The following MYO18B variants were observed in gnomAD, a reference collection of about 807,000 sequenced individuals.
MYO18B encodes the protein unconventional myosin-XVIIIb.
Under a neutral mutation model 273.0 loss-of-function variants are expected in MYO18B, and 204 were observed. The ratio of observed to expected loss-of-function variants is 0.75; its 90% CI spans 0.67 to 0.84. MYO18B has a LOEUF of 0.84. Among genes scored for constraint, MYO18B ranks in the 40% least tolerant of loss-of-function variants. The probability of loss-of-function intolerance (pLI) is 0.00; values close to 1 mark genes in which losing one functional copy is unlikely to be tolerated. For synonymous variants in MYO18B, 1,330 were observed against 1,305.7 expected, an observed-to-expected ratio of 1.02 and a Z score of -0.40; for missense variants, 3,212 against 3,287.6, an observed-to-expected ratio of 0.98 and a Z score of 0.56.
chr22:26,049,836 T>G, the MYO18B span, among the ~76,000 whole-genome samples: 1 of 152,236 alleles, frequency 6.6e-6, no homozygotes, highest in Non-Finnish European at 1.5e-5. Flanking sequence ...GTACCTGCCC[T>G]GAGAATTCAG....
intron 8 of MYO18B, among the ~76,000 whole-genome samples, chr22:25,778,249 C>T (rs1439394538): frequency 4.6e-5 from 7 of 150,984 alleles, no homozygotes; most frequent in Non-Finnish European, 1.0e-4. Flanking sequence ...TGAACTGTAC[C>T]TACGTTCAAA....
intron 16 of MYO18B, 42 bp from the exon 17 acceptor site, chr22:25,835,254 T>C: frequency 6.3e-7 from 1 of 1,593,670 alleles, no homozygotes; most frequent in South Asian, 1.1e-5. Flanking sequence ...AGGCTTCTGA[T>C]GGGTATCAGG....
At chr22:25,895,870 A>G (rs1239556046) in intron 28 of MYO18B, among the ~76,000 whole-genome samples, 2 of 150,040 alleles carry the variant, frequency 1.3e-5, no homozygotes, top group Non-Finnish European at 3.0e-5. Context: ...GCTCATCTTC[A>G]ACAGGTTTCT....
rs369050444 is a variant in MYO18B at position 25,770,982 on chromosome 22, C to A, written c.1690C>A (p.Arg564=). 6.5e-7 allele frequency: 1 copy of A among 1,550,378 alleles called. No homozygotes were observed. The highest frequency in any genetic ancestry group is 8.7e-7 in the Non-Finnish European group (1 of 1,145,572). The part of the protein sequence containing the change: ...ITEVDEEHVH[R]ANPPELDQVE... ...TGAGGTGGATGAGGAGCATGTCCAT[C>A]GGGTGAGTCCCCTGTCCCGCCGTCC... The change falls in exon 6 of 44, where the codon CGG becomes AGG. Residue 564 remains arginine (R), a splice_region_variant and synonymous_variant. Coordinates refer to ENST00000335473, the MANE Select transcript of MYO18B (RefSeq NM_032608.7).
At chr22:25,780,366 G>A (rs1168587490) in intron 9 of MYO18B, among the ~76,000 whole-genome samples, 168 bp downstream of exon 9, 2 of 151,982 alleles carry the variant, frequency 1.3e-5, no homozygotes, top group Admixed American at 1.3e-4. Context: ...TGAGGTGGGT[G>A]GATCACCTGA....
intron 26 of MYO18B, 38 bp from the exon 27 acceptor site, chr22:25,891,266 G>C: frequency 1.4e-6 from 2 of 1,428,146 alleles, no homozygotes; most frequent in African/African-American, 1.4e-5. Context: ...CATGTCTTCT[G>C]TCCAGCTCTA....
chr22:25,781,793 G>T lies in MYO18B; in HGVS notation c.2271G>T (p.Leu757=), dbSNP rs765750090. The T allele has an allele frequency of 5.6e-6, 9 of 1,594,676 alleles. No individual in the cohort carries two copies. The African/African-American group carries it at 1.2e-4, about 21-fold the overall frequency. Reference sequence around the variant, plus strand: ...AGCCGGAAGGGGAAAGTAACTTCCTGGTTTTCTCCCAGATGCTGGCTGGAT... The same window carrying T: ...AGCCGGAAGGGGAAAGTAACTTCCTTGTTTTCTCCCAGATGCTGGCTGGAT... ...ARQPEGESNF[L]VFSQMLAGLD... is the part of the protein sequence containing the mutation. Residue 757 remains leucine (L), a synonymous_variant, in exon 10 of 44, where the codon CTG becomes CTT. Transcript: ENST00000335473.
chr22:25,819,929 TA>T (rs1190483321), intron 12 of MYO18B, among the ~76,000 whole-genome samples: 2 of 149,680 alleles, frequency 1.3e-5, no homozygotes, highest in Non-Finnish European at 3.0e-5. Context: ...CTACAACTAA[TA>T]AGTACTGAGC....
In MYO18B at chr22:25,883,187, A is replaced by G. The variant is rs1010109268; in HGVS notation, c.4314+5139A>G. On this transcript the variant is annotated intron_variant, in intron 25 of 43. Coordinates refer to ENST00000335473, the MANE Select transcript of MYO18B (RefSeq NM_032608.7). The surrounding 1 kb of genome is among the most constrained non-coding windows in gnomAD (Gnocchi z 7.6). ...GTGCTGGCGTGAACCATTGCACCAG[A>G]CCTGTAATTACACTTTAAAGAGCAT... 1.3e-5 allele frequency among the ~76,000 whole-genome samples: 2 copies of G among 152,102 alleles called. No homozygotes were observed. The highest frequency in any genetic ancestry group is 2.9e-5 in the Non-Finnish European group (2 of 68,016).
In MYO18B at chr22:25,933,031, A is replaced by G. The variant is rs1369069341; in HGVS notation, c.5517+11622A>G. On this transcript the variant is annotated intron_variant, in intron 34 of 43. Transcript: ENST00000335473. ...CTCCCAATTTAGGATCCAACTTGGA[A>G]AGTAAAACTGCTTCCATTATTTTCA... 2.6e-5 allele frequency among the ~76,000 whole-genome samples: 4 copies of G among 152,152 alleles called. No individual in the cohort carries two copies. In the East Asian group the frequency reaches 7.7e-4, roughly 29 times the overall value.
intron 21 of MYO18B, among the ~76,000 whole-genome samples, chr22:25,859,683 T>A (rs372388695): frequency 1.8e-4 from 27 of 152,270 alleles, no homozygotes; most frequent in East Asian, 7.7e-4. Flanking sequence ...TTTGTGAAAC[T>A]CTATTTTTTT....
intron 12 of MYO18B, among the ~76,000 whole-genome samples, chr22:25,810,403 C>T (rs1222592094): frequency 8.3e-6 from 1 of 121,156 alleles, no homozygotes; most frequent in East Asian, 2.3e-4. Flanking sequence ...TGTCCTCCTT[C>T]AGGCTTTTTT....
At chr22:26,046,498 A>G in the MYO18B span, among the ~76,000 whole-genome samples, 7 of 152,088 alleles carry the variant, frequency 4.6e-5, no homozygotes, top group Admixed American at 2.6e-4. Flanking sequence ...CCTTTATCTA[A>G]TCTATCAGTG....
intron 34 of MYO18B, among the ~76,000 whole-genome samples, chr22:25,935,396 C>A (rs145313093): frequency 6.6e-6 from 1 of 152,164 alleles, no homozygotes; most frequent in Non-Finnish European, 1.5e-5. Context: ...CCTGAGGCAA[C>A]CCCCTGGAGG....
chr22:25,930,465 GCCTCCTGTTGGT>G (rs1372855444), intron 34 of MYO18B, among the ~76,000 whole-genome samples: 1 of 151,256 alleles, frequency 6.6e-6, no homozygotes, highest in Non-Finnish European at 1.5e-5. Flanking sequence ...TGCCACCAAT[GCCTCCTGTTGGT>G]CCTCTGCTGT....
Position 26,004,861 on chromosome 22 carries a change from A to G in MYO18B, c.6470+6A>G. The G allele has an allele frequency of 6.2e-7, 1 of 1,613,380 alleles. No individual in the cohort carries two copies. Among genetic ancestry groups the G allele is most frequent in the African/African-American group, 1.3e-5 (1 of 75,034 alleles). On this transcript the variant is annotated splice_donor_region_variant and intron_variant, in intron 42 of 43. Coordinates refer to ENST00000335473, the MANE Select transcript of MYO18B (RefSeq NM_032608.7). ...AGCCGCATCCTCAGCCCCAGGTAAG[A>G]GTATCTCCTTGCTGCCTCTGGATGG...
the MYO18B span, among the ~76,000 whole-genome samples, chr22:26,038,944 A>C: frequency 6.6e-6 from 1 of 152,182 alleles, no homozygotes; most frequent in South Asian, 2.1e-4. Flanking sequence ...ATGAAAAAGC[A>C]CTTTGAATTG....
chr22:25,959,638 T>TC (rs1284752093), intron 39 of MYO18B, among the ~76,000 whole-genome samples: 1 of 152,176 alleles, frequency 6.6e-6, no homozygotes, highest in East Asian at 1.9e-4. Context: ...AACTCCACAG[T>TC]CCAAGCATTC....
intron 34 of MYO18B, among the ~76,000 whole-genome samples, chr22:25,930,941 T>G (rs991905074): frequency 9.9e-5 from 15 of 152,202 alleles, no homozygotes; most frequent in Non-Finnish European, 7.3e-5. Flanking sequence ...AACCCTGGAT[T>G]CATGCTCAGT....
Sources: allele counts gnomAD v4.1 joint callset (sites outside exome capture counted in the v4.1 genomes callset), GRCh38; gene constraint gnomAD v4.1.1; non-coding constraint Gnocchi (gnomAD v3.1); transcripts MANE v1.5; gene names NCBI Gene and HGNC (gene_info 2026-07-23, HGNC 2026-07-21).